VPS36: variants seen among roughly 807,000 people sequenced by gnomAD.
VPS36 encodes the protein vacuolar protein-sorting-associated protein 36.
In VPS36, 31 loss-of-function variants were observed where a neutral mutation model predicts 63.5. The ratio of observed to expected loss-of-function variants is 0.49; its 90% CI spans 0.37 to 0.66. VPS36 has a LOEUF of 0.66. Ranked by LOEUF, VPS36 falls within the 30% of genes least tolerant of loss-of-function variation. The pLI, the probability that VPS36 is intolerant of heterozygous loss-of-function variation, is 0.00. For missense variants in VPS36, 338 were observed against 463.7 expected, an observed-to-expected ratio of 0.73 and a Z score of 2.49; for synonymous variants, 138 against 157.2, an observed-to-expected ratio of 0.88 and a Z score of 0.91.
At chr13:52,425,266 AAAAAG>A (rs1387939952) in intron 9 of VPS36, among the ~76,000 whole-genome samples, 1 of 152,010 alleles carries the variant, frequency 6.6e-6, no homozygotes, top group Non-Finnish European at 1.5e-5. Context: ...AAAAAAAAAA[AAAAAG>A]AAAATGTGAA....
chr13:52,417,567 T>G (rs1249624389), intron 11 of VPS36, among the ~76,000 whole-genome samples: 4 of 152,174 alleles, frequency 2.6e-5, no homozygotes, highest in Non-Finnish European at 1.5e-5. Flanking sequence ...TCCATGTTGG[T>G]CAGGTTGGTC....
intron 3 of VPS36, among the ~76,000 whole-genome samples, chr13:52,437,472 C>T (rs1296951984): frequency 2.0e-5 from 3 of 152,040 alleles, no homozygotes; most frequent in East Asian, 1.9e-4. Flanking sequence ...AAAAAAAACG[C>T]TCAGCCCTAC....
chr13:52,438,604 C>T (rs74345830), intron 3 of VPS36, among the ~76,000 whole-genome samples: 6,045 of 152,248 alleles, frequency 0.04, 138 homozygotes, highest in South Asian at 0.07. Context: ...TTTGAACTTA[C>T]GCCTTTATAC....
At chr13:52,425,132 A>G (rs1301534178) in intron 9 of VPS36, among the ~76,000 whole-genome samples, 2 of 151,700 alleles carry the variant, frequency 1.3e-5, no homozygotes, top group Non-Finnish European at 1.5e-5. Context: ...AGGCACCTGT[A>G]GTCCAAGCTA....
chr13:52,431,653 C>T (rs754500806), intron 6 of VPS36, among the ~76,000 whole-genome samples: 7 of 151,222 alleles, frequency 4.6e-5, no homozygotes, highest in Non-Finnish European at 1.0e-4. Context: ...ATCCCAGCTA[C>T]TCGGGAGGCT....
Position 52,415,680 on chromosome 13 carries a change from C to A in VPS36, c.*150G>T. 1 of 776,100 alleles carries A rather than the reference C, an allele frequency of 1.3e-6. No homozygotes were observed. Among genetic ancestry groups the A allele is most frequent in the Non-Finnish European group, 2.1e-6 (1 of 470,492 alleles). 48.1% of individuals were successfully genotyped at this position (776,100 alleles called of 1,614,324 possible). On this transcript the variant is annotated 3_prime_UTR_variant, in exon 14 of 14. Coordinates refer to ENST00000378060, the MANE Select transcript of VPS36 (RefSeq NM_016075.4). ...CGTATACTAAATAAATTTCCTGGACCATATTTAGTGAGAAATTAAAAGAGA... is the reference window on the plus strand; with the variant it reads ...CGTATACTAAATAAATTTCCTGGACAATATTTAGTGAGAAATTAAAAGAGA...
chr13:52,443,572 TAGACTTCCCAGTCTC>T (rs1958303608), intron 1 of VPS36, among the ~76,000 whole-genome samples: 1 of 152,198 alleles, frequency 6.6e-6, no homozygotes. Context: ...ACCTTGATCT[TAGACTTCCCAGTCTC>T]CAGAACTATG....
At chr13:52,429,771 C>G (rs931926265) in intron 6 of VPS36, among the ~76,000 whole-genome samples, 12 of 152,122 alleles carry the variant, frequency 7.9e-5, no homozygotes, top group Admixed American at 7.9e-4. Context: ...TTATTTTCAA[C>G]ATAACATTGA....
chr13:52,421,209 C>T (rs1401047041), intron 10 of VPS36, among the ~76,000 whole-genome samples: 1 of 152,144 alleles, frequency 6.6e-6, no homozygotes, highest in Non-Finnish European at 1.5e-5. Flanking sequence ...AAAATCCTTT[C>T]ATTTGCAGCA....
intron 4 of VPS36, 55 bp downstream of exon 4, chr13:52,436,235 A>C: frequency 8.3e-7 from 1 of 1,211,210 alleles, no homozygotes; most frequent in Non-Finnish European, 1.2e-6. Context: ...ACACACACAC[A>C]CACACACACA....
At chr13:52,428,282 T>A (rs1342723976) in intron 6 of VPS36, among the ~76,000 whole-genome samples, 2 of 152,224 alleles carry the variant, frequency 1.3e-5, no homozygotes, top group African/African-American at 4.8e-5. Flanking sequence ...AATTGATGCA[T>A]ACAGATGTTA....
At chr13:52,424,991 GA>G (rs751008005) in intron 9 of VPS36, among the ~76,000 whole-genome samples, 42 of 138,668 alleles carry the variant, frequency 3.0e-4, no homozygotes, top group South Asian at 7.0e-4. Flanking sequence ...TCTGTTTCAA[GA>G]AAAAAAAAAA....
At chr13:52,425,084 T>G (rs1336276339) in intron 9 of VPS36, among the ~76,000 whole-genome samples, 1 of 151,408 alleles carries the variant, frequency 6.6e-6, no homozygotes, top group East Asian at 2.0e-4. Context: ...CCATCTCTAC[T>G]AAAAATACAA....
At position 52,414,887 on chromosome 13, in the gene VPS36, C is replaced by T. The variant is rs1000149607; in HGVS notation, c.*943G>A. On this transcript the variant is annotated 3_prime_UTR_variant, in exon 14 of 14. Coordinates refer to ENST00000378060, the MANE Select transcript of VPS36 (RefSeq NM_016075.4). ...TTGTTATCTCAGTAACATTTCTTAC[C>T]GAAGTAGTTTTTCCACACAACTTAC... 3.3e-5 allele frequency: 5 copies of T among 152,150 alleles called. No homozygotes were observed. The highest frequency in any genetic ancestry group is 7.3e-5 in the Non-Finnish European group (5 of 68,036). 9.4% of individuals were successfully genotyped at this position (152,150 alleles called of 1,614,324 possible). A position where few individuals can be genotyped will look rare whatever the true frequency, so the allele number is the denominator to read the frequency against.
intron 1 of VPS36, among the ~76,000 whole-genome samples, chr13:52,447,081 T>C (rs923989146): frequency 2.6e-5 from 4 of 151,926 alleles, no homozygotes; most frequent in Admixed American, 1.3e-4. Flanking sequence ...TTTACCATGT[T>C]GGCCAGGCTG....
rs1429099987 is a variant in VPS36, at chr13:52,415,222, A to C, written c.*608T>G. 1 of 152,266 alleles carries C rather than the reference A, an allele frequency of 6.6e-6. No homozygotes were observed. Among genetic ancestry groups the C allele is most frequent in the Non-Finnish European group, 1.5e-5 (1 of 68,082 alleles). The allele number at this position is 152,266 out of a possible 1,614,324, so 9.4% of individuals were successfully genotyped here. A position where few individuals can be genotyped will look rare whatever the true frequency, so the allele number is the denominator to read the frequency against. ...TTTGGAAACAAAATGACACAGTTGC[A>C]TTCTTTAAATGCCAGTCATGAAATC... On this transcript the variant is annotated 3_prime_UTR_variant, in exon 14 of 14. Transcript: ENST00000378060.
At chr13:52,439,454 A>AT (rs71088025) in intron 2 of VPS36, among the ~76,000 whole-genome samples, 12,422 of 150,430 alleles carry the variant, frequency 0.083, 702 homozygotes, top group African/African-American at 0.16. Flanking sequence ...TTTTTAATTT[A>AT]TTTTTTTTTG....
chr13:52,437,509 A>G (rs9536073), intron 3 of VPS36, among the ~76,000 whole-genome samples: 5,787 of 152,324 alleles, frequency 0.038, 137 homozygotes, highest in South Asian at 0.07. Flanking sequence ...AGGACACCCA[A>G]TGAAAAACTA....
intron 6 of VPS36, among the ~76,000 whole-genome samples, chr13:52,432,385 A>C (rs1451066729): frequency 1.3e-5 from 2 of 151,554 alleles, no homozygotes; most frequent in Non-Finnish European, 3.0e-5. Flanking sequence ...AAAAACAAAC[A>C]AACCTAATTA....
Sources: gnomAD v4.1 joint callset for allele counts (sites outside exome capture counted in the v4.1 genomes callset) on GRCh38, gnomAD v4.1.1 for gene constraint, MANE v1.5 for transcripts, NCBI Gene and HGNC (gene_info 2026-07-23, HGNC 2026-07-21) for gene names.